Variants in NOL4 observed in about 807,000 individuals in gnomAD.
NOL4 encodes the protein nucleolar protein 4, also known as cancer/testis antigen 125.
NOL4 carries 17 observed loss-of-function variants against 75.9 expected under a neutral mutation model. The ratio of observed to expected loss-of-function variants is 0.22; its 90% confidence interval spans 0.15 to 0.34. The LOEUF (loss-of-function observed/expected upper bound fraction) is 0.34. NOL4 is among the 10% of genes least tolerant of loss of function. The probability of loss-of-function intolerance (pLI) is 1.00; values close to 1 mark genes in which losing one functional copy is unlikely to be tolerated. For missense variants in NOL4, 614 were observed against 793.5 expected, an observed-to-expected ratio of 0.77 and a Z score of 2.72; for synonymous variants, 292 against 289.9, an observed-to-expected ratio of 1.01 and a Z score of -0.07.
At chr18:34,074,327 C>T (rs1358188263) in intron 5 of NOL4, among the ~76,000 whole-genome samples, 2 of 150,988 alleles carry the variant, frequency 1.3e-5, no homozygotes, top group African/African-American at 4.9e-5. Flanking sequence ...TTGAAAAATA[C>T]AAAAAGTCTA....
At chr18:34,012,936 T>C (rs958978072) in intron 6 of NOL4, among the ~76,000 whole-genome samples, 2 of 152,112 alleles carry the variant, frequency 1.3e-5, no homozygotes, top group African/African-American at 2.4e-5. Context: ...GGTGTGGGTG[T>C]AGCGAAAATT....
At chr18:33,978,091 T>A (rs1322843137) in intron 6 of NOL4, among the ~76,000 whole-genome samples, 1 of 152,188 alleles carries the variant, frequency 6.6e-6, no homozygotes, top group Non-Finnish European at 1.5e-5. Context: ...TTTAACTGTG[T>A]GCTCAGGAGG....
At chr18:34,124,298 T>C (rs1287091447) in intron 2 of NOL4, among the ~76,000 whole-genome samples, 7 of 152,160 alleles carry the variant, frequency 4.6e-5, no homozygotes, top group Non-Finnish European at 7.4e-5. Flanking sequence ...AAATTCATAA[T>C]AGTAAAAAGA....
At chr18:33,975,723 C>T (rs1396175134) in intron 6 of NOL4, among the ~76,000 whole-genome samples, 5 of 152,056 alleles carry the variant, frequency 3.3e-5, no homozygotes, top group African/African-American at 7.2e-5. Context: ...TGCAGTCAGC[C>T]GAGTTGGCGC....
chr18:33,897,213 C>T (rs1329648033), intron 9 of NOL4, among the ~76,000 whole-genome samples: 1 of 152,096 alleles, frequency 6.6e-6, no homozygotes, highest in Non-Finnish European at 1.5e-5. Context: ...ATGGTGATTC[C>T]TCAAAGAGCT....
At chr18:34,136,917 C>T (rs1161890467) in intron 1 of NOL4, among the ~76,000 whole-genome samples, 2 of 152,058 alleles carry the variant, frequency 1.3e-5, no homozygotes, top group East Asian at 1.9e-4. Flanking sequence ...AAGCTTACTA[C>T]ACTAAAGTCT....
chr18:33,855,183 C>T (rs17747491), intron 10 of NOL4, among the ~76,000 whole-genome samples: 27,108 of 151,798 alleles, frequency 0.18, 2,629 homozygotes, highest in Non-Finnish European at 0.22. Context: ...TGGGGTTGAG[C>T]AAGGAATCAA....
chr18:34,075,856 T>C (rs1206391722), intron 5 of NOL4, among the ~76,000 whole-genome samples: 1 of 152,208 alleles, frequency 6.6e-6, no homozygotes, highest in Non-Finnish European at 1.5e-5. Flanking sequence ...ATGTGAAATA[T>C]ATATATATTT....
At position 33,852,586 on chromosome 18, in the gene NOL4, C is replaced by T; in HGVS notation, c.*256G>A. ...ATTAAGAATAGATAGCCTTTTATGC[C>T]CCTGATATTTATGGTGACACACTAA... On this transcript the variant is annotated 3_prime_UTR_variant, in exon 11 of 11. Transcript: ENST00000261592. The T allele has an allele frequency of 3.3e-6, 1 of 306,632 alleles. No individual in the cohort carries two copies. Among genetic ancestry groups the T allele is most frequent in the Non-Finnish European group, 6.0e-6 (1 of 167,628 alleles). The allele number at this position is 306,632 out of a possible 1,614,324, so 19.0% of individuals were successfully genotyped here.
At chr18:33,863,988 G>C (rs1277080000) in intron 10 of NOL4, among the ~76,000 whole-genome samples, 2 of 152,142 alleles carry the variant, frequency 1.3e-5, no homozygotes, top group African/African-American at 4.8e-5. Flanking sequence ...AAAGGCTTGG[G>C]GACTGCATCC....
intron 9 of NOL4, among the ~76,000 whole-genome samples, chr18:33,920,346 C>T (rs2066960824): frequency 6.6e-6 from 1 of 152,030 alleles, no homozygotes; most frequent in African/African-American, 2.4e-5. Flanking sequence ...AGTAGTTTTC[C>T]CTCACTTAAA....
chr18:34,207,582 T>G (rs1306770195), intron 1 of NOL4, among the ~76,000 whole-genome samples: 1 of 152,242 alleles, frequency 6.6e-6, no homozygotes, highest in Non-Finnish European at 1.5e-5. Context: ...AGCTTGACAA[T>G]GAACACAGTT....
At chr18:34,082,780 A>G (rs576107871) in intron 5 of NOL4, among the ~76,000 whole-genome samples, 147 of 152,266 alleles carry the variant, frequency 9.7e-4, no homozygotes, top group Non-Finnish European at 1.8e-3. Context: ...CTAAGCAGTG[A>G]TGAGTTGCAC....
chr18:33,984,889 A>G (rs934432114), intron 6 of NOL4, among the ~76,000 whole-genome samples: 2 of 152,132 alleles, frequency 1.3e-5, no homozygotes, highest in East Asian at 1.9e-4. Context: ...AAAGGGTGAT[A>G]TGGCCTCAAG....
At chr18:33,906,302 G>A (rs1473781920) in intron 9 of NOL4, among the ~76,000 whole-genome samples, 1 of 152,108 alleles carries the variant, frequency 6.6e-6, no homozygotes. Flanking sequence ...AGTCACCTCT[G>A]GACTCCAACC....
intron 1 of NOL4, among the ~76,000 whole-genome samples, chr18:34,172,307 T>C (rs2033121735): frequency 1.3e-5 from 2 of 152,146 alleles, no homozygotes; most frequent in Admixed American, 6.5e-5. Context: ...CTTTAAATGC[T>C]GATTAAAGTA....
At chr18:33,872,451 T>C (rs895794235) in intron 10 of NOL4, among the ~76,000 whole-genome samples, 10 of 152,036 alleles carry the variant, frequency 6.6e-5, no homozygotes, top group Non-Finnish European at 1.2e-4. Flanking sequence ...AGGTTGTTCA[T>C]TGACCCCATT....
chr18:33,913,711 G>A (rs751622018), intron 9 of NOL4, among the ~76,000 whole-genome samples: 5 of 152,092 alleles, frequency 3.3e-5, no homozygotes, highest in South Asian at 4.1e-4. Context: ...ATCTAAACCT[G>A]TGAACTTCCA....
chr18:33,862,652 CA>C, intron 10 of NOL4, among the ~76,000 whole-genome samples: 1 of 152,204 alleles, frequency 6.6e-6, no homozygotes, highest in Middle Eastern at 3.4e-3. Flanking sequence ...TTTATGCAGC[CA>C]AAAAACACAT....
Sources: gnomAD v4.1 joint callset for allele counts (sites outside exome capture counted in the v4.1 genomes callset) on GRCh38, gnomAD v4.1.1 for gene constraint, MANE v1.5 for transcripts, NCBI Gene and HGNC (gene_info 2026-07-23, HGNC 2026-07-21) for gene names.